NR1I3: variants seen among roughly 807,000 people sequenced by gnomAD.
NR1I3 encodes nuclear receptor subfamily 1 group I member 3, also known as constitutive activator of retinoid response.
A neutral mutation model predicts 38.4 loss-of-function variants in NR1I3; 30 were observed. That is an observed-to-expected ratio of 0.78 (90% CI 0.58 to 1.06). The LOEUF is 1.06. Ranked by LOEUF, NR1I3 falls within the 50% of genes least tolerant of loss-of-function variation. NR1I3 has a pLI of 0.00. For missense variants in NR1I3, 388 were observed against 435.7 expected, an observed-to-expected ratio of 0.89 and a Z score of 0.97; for synonymous variants, 143 against 165.1, an observed-to-expected ratio of 0.87 and a Z score of 1.03.
At chr1:161,236,699 A>C in intron 1 of NR1I3, 101 bp from the exon 2 acceptor site, 1 of 1,194,922 alleles carries the variant, frequency 8.4e-7, no homozygotes, top group Non-Finnish European at 1.1e-6. Flanking sequence ...CATGCCCTTG[A>C]CTTGATCCCT....
chr1:161,230,807 C>T lies in NR1I3; in HGVS notation c.917+6G>A. ...TGGCCTCCAAGCCCTCAGTGTCCCA[C>T]CGTACCGATCCCGGGGCCTTCGCTG... On this transcript the variant is annotated splice_donor_region_variant and intron_variant, in intron 8 of 8. Transcript: ENST00000367983. 1 of 1,614,116 alleles carries T rather than the reference C, an allele frequency of 6.2e-7. No individual in the cohort carries two copies. Among genetic ancestry groups the T allele is most frequent in the Non-Finnish European group, 8.5e-7 (1 of 1,180,036 alleles).
At chr1:161,237,279 C>T (rs1047619052) in intron 1 of NR1I3, among the ~76,000 whole-genome samples, 8 of 150,456 alleles carry the variant, frequency 5.3e-5, no homozygotes, top group South Asian at 2.1e-4. Context: ...AATCTTGGCT[C>T]GCTACAACCT....
At position 161,230,832 on chromosome 1, in the gene NR1I3, G is replaced by A; in HGVS notation, c.898C>T (p.Gln300Ter). ...LTLQSYIKGQ[Q>*]RRPRDRFLYA... is the part of the protein sequence containing the mutation. ...CCGTACCGATCCCGGGGCCTTCGCT[G>A]CTGGCCCTTGATGTAGCTTTGCAGA... The change falls in exon 8 of 9, where the codon CAG becomes TAG. Residue 300 changes from glutamine to a stop codon, truncating the protein, a stop_gained. Coordinates refer to ENST00000367983, the MANE Select transcript of NR1I3 (RefSeq NM_005122.5). LOFTEE classifies it high-confidence loss of function. The A allele has an allele frequency of 1.2e-6, 2 of 1,614,170 alleles. No homozygotes were observed. Among genetic ancestry groups the A allele is most frequent in the Non-Finnish European group, 1.7e-6 (2 of 1,180,034 alleles).
Position 161,237,852 on chromosome 1 carries a change from T to C in NR1I3, c.-34+189A>G, listed in dbSNP as rs550637110. On this transcript the variant is annotated intron_variant, in intron 1 of 8. Coordinates refer to ENST00000367983, the MANE Select transcript of NR1I3 (RefSeq NM_005122.5). ...GCATGAGCTCCCGCGCCTGGCCTCT[T>C]TTCTTTCTTTTTTGTAGAGATGGGG... Among the ~76,000 whole-genome samples the C allele has an allele frequency of 3.3e-5, 5 of 152,024 alleles. No homozygotes were observed. The East Asian group carries it at 9.7e-4, about 29-fold the overall frequency.
rs1187227997 is a variant in NR1I3, at chr1:161,232,898, G to A, written c.457C>T (p.Pro153Ser). ...IHHQPLPTLA[P>S]VLPLVTHFAD... ...AAGTGTGTGACCAGAGGCAGCACAG[G>A]GGCCAGGGTGGGCAAGGGCTGGTGA... The change falls in exon 5 of 9, where the codon CCT becomes TCT. Residue 153 changes from proline to serine, a missense_variant. Physicochemically the swap from Pro to Ser is moderately conservative, Grantham distance 74. Coordinates refer to ENST00000367983, the MANE Select transcript of NR1I3 (RefSeq NM_005122.5). The A allele has an allele frequency of 6.2e-7, 1 of 1,614,226 alleles. No homozygotes were observed. Among genetic ancestry groups the A allele is most frequent in the Admixed American group, 1.7e-5 (1 of 60,028 alleles).
In NR1I3 at chr1:161,236,524, A is replaced by G. The variant is rs1289569714; in HGVS notation, c.42T>C (p.Cys14=). The part of the protein sequence containing the change: ...REDELRNCVV[C]GDQATGYHFN... ...AGTGGTAGCCTGTGGCTTGGTCCCCACATACCACACAGTTCCTCAGCTCAT... is the reference window on the plus strand; with the variant it reads ...AGTGGTAGCCTGTGGCTTGGTCCCCGCATACCACACAGTTCCTCAGCTCAT... The change falls in exon 2 of 9, where the codon TGT becomes TGC. Residue 14 remains cysteine (C), a synonymous_variant. Transcript: ENST00000367983. The G allele has an allele frequency of 6.8e-6, 11 of 1,614,056 alleles. No individual in the cohort carries two copies. In the African/African-American group the frequency reaches 1.5e-4, roughly 22 times the overall value.
rs368339212 is a variant in NR1I3, at chr1:161,233,287, C to T, written c.290G>A (p.Arg97Gln). Reference sequence around the variant, plus strand: ...TTGCACAGGTGTTTGCTGTGCCCGCCGCTGGGCCTGCTTTGCTCGCCGCAA... The same window carrying T: ...TTGCACAGGTGTTTGCTGTGCCCGCTGCTGGGCCTGCTTTGCTCGCCGCAA... ...LALRRAKQAQ[R>Q]RAQQTPVQLS... is the part of the protein sequence containing the mutation. The change falls in exon 4 of 9, where the codon CGG becomes CAG. Residue 97 changes from arginine to glutamine, a missense_variant. Arg to Gln is a conservative substitution (Grantham distance 43, BLOSUM62 1). Transcript: ENST00000367983. The T allele has an allele frequency of 4.1e-5, 66 of 1,614,040 alleles. No individual in the cohort carries two copies. The highest frequency in any genetic ancestry group is 4.0e-4 in the African/African-American group (30 of 74,922).
intron 1 of NR1I3, among the ~76,000 whole-genome samples, chr1:161,237,704 C>A (rs952967439): frequency 2.0e-5 from 3 of 151,486 alleles, no homozygotes; most frequent in East Asian, 2.0e-4. Context: ...GGCGACAGAG[C>A]GAGACTCCAT....
chr1:161,235,272 T>C (rs1339261292), intron 3 of NR1I3: 3 of 127,370 alleles, frequency 2.4e-5, no homozygotes, highest in Non-Finnish European at 3.4e-5. Context: ...TTTTTTTTTT[T>C]TTTTTTTTTT....
At chr1:161,233,519 C>T (rs913751921) in intron 3 of NR1I3, among the ~76,000 whole-genome samples, 181 bp from the exon 4 acceptor site, 4 of 152,000 alleles carry the variant, frequency 2.6e-5, no homozygotes, top group Non-Finnish European at 4.4e-5. Flanking sequence ...GCAGGGGGCT[C>T]CTATACACTT....
intron 3 of NR1I3, among the ~76,000 whole-genome samples, chr1:161,234,619 C>G: frequency 6.6e-6 from 1 of 152,114 alleles, no homozygotes; most frequent in East Asian, 1.9e-4. Context: ...GTTGACCAGG[C>G]TGGTCTTGAA....
At chr1:161,236,997 G>GT (rs1196533893) in intron 1 of NR1I3, among the ~76,000 whole-genome samples, 1 of 148,780 alleles carries the variant, frequency 6.7e-6, no homozygotes, top group Non-Finnish European at 1.5e-5. Flanking sequence ...TGTTTGTTCT[G>GT]TTTTTTGAGA....
intron 8 of NR1I3, 180 bp downstream of exon 8, chr1:161,230,633 T>C: frequency 1.3e-6 from 1 of 776,792 alleles, no homozygotes; most frequent in Non-Finnish European, 2.0e-6. Flanking sequence ...AGTATCCAAA[T>C]ACAGCAATTT....
At chr1:161,236,875 GACC>G (rs1189827702) in intron 1 of NR1I3, among the ~76,000 whole-genome samples, 3 of 151,266 alleles carry the variant, frequency 2.0e-5, no homozygotes, top group African/African-American at 7.3e-5. Context: ...TACAGGTCCA[GACC>G]ACCATGTCCA....
intron 3 of NR1I3, chr1:161,235,603 C>A: frequency 2.4e-6 from 1 of 412,094 alleles, no homozygotes; most frequent in Non-Finnish European, 4.5e-6. Context: ...GTCAGTGTGG[C>A]TAGAATTGGT....
intron 8 of NR1I3, chr1:161,230,296 T>G: frequency 3.4e-6 from 1 of 291,418 alleles, no homozygotes. Flanking sequence ...CTGGCCAAAC[T>G]AGCTCTTGGA....
chr1:161,231,480 GA>G lies in NR1I3; in HGVS notation c.549-7del, dbSNP rs755903908. 2 of 1,575,558 alleles carry G rather than the reference GA, an allele frequency of 1.3e-6. No individual in the cohort carries two copies. Among genetic ancestry groups the G allele is most frequent in the South Asian group, 2.4e-5 (2 of 83,472 alleles). Reference sequence around the variant, plus strand: ...GGTCTTCAATGGGCAGGGAACTGTGGAAAGCAGGAAACAAGGACACTTTTCA... The same window carrying G: ...GGTCTTCAATGGGCAGGGAACTGTGGAAGCAGGAAACAAGGACACTTTTCA... On this transcript the variant is annotated splice_region_variant and splice_polypyrimidine_tract_variant and intron_variant, in intron 5 of 8. Transcript: ENST00000367983.
At chr1:161,233,916 T>C (rs148215610) in intron 3 of NR1I3, among the ~76,000 whole-genome samples, 8 of 145,088 alleles carry the variant, frequency 5.5e-5, no homozygotes, top group Admixed American at 1.4e-4. Context: ...TATGTGTATA[T>C]ATGTATATAT....
chr1:161,235,692 G>T, intron 3 of NR1I3, 155 bp downstream of exon 3: 1 of 819,980 alleles, frequency 1.2e-6, no homozygotes, highest in Non-Finnish European at 1.9e-6. Context: ...CGTACTTTGA[G>T]ATGGGGAGCC....
Sources: allele counts gnomAD v4.1 joint callset (sites outside exome capture counted in the v4.1 genomes callset), GRCh38; gene constraint gnomAD v4.1.1; transcripts MANE v1.5; gene names NCBI Gene and HGNC (gene_info 2026-07-23, HGNC 2026-07-21).